Variants in GALNT18 observed in about 807,000 individuals in gnomAD.
The protein encoded by GALNT18 is GalNAc-transferase 18.
In GALNT18, 44 loss-of-function variants were observed where a neutral mutation model predicts 69.5. That is an observed-to-expected ratio of 0.63 (90% confidence interval 0.50 to 0.81). The LOEUF (loss-of-function observed/expected upper bound fraction) is 0.81. Ranked by LOEUF, GALNT18 falls within the 40% of genes least tolerant of loss-of-function variation. The probability of loss-of-function intolerance (pLI) is 0.00; values close to 1 mark genes in which losing one functional copy is unlikely to be tolerated. For synonymous variants in GALNT18, 364 were observed against 318.2 expected, an observed-to-expected ratio of 1.14 and a Z score of -1.53; for missense variants, 715 against 810.0, an observed-to-expected ratio of 0.88 and a Z score of 1.42.
intron 9 of GALNT18, among the ~76,000 whole-genome samples, chr11:11,294,480 A>C (rs1849360286): frequency 6.6e-6 from 1 of 152,104 alleles, no homozygotes; most frequent in African/African-American, 2.4e-5. Context: ...CCAGGCTCTT[A>C]GATGCCAACC....
At position 11,291,020 on chromosome 11, in the gene GALNT18, T is replaced by C. The variant is rs149600413; in HGVS notation, c.1677+2009A>G. ...AGCCATCCTTCACTGGGCATATACCTAACTGTCCTTCCACACCACACACCC... is the reference window on the plus strand; with the variant it reads ...AGCCATCCTTCACTGGGCATATACCCAACTGTCCTTCCACACCACACACCC... On this transcript the variant is annotated intron_variant, in intron 10 of 10. Transcript: ENST00000227756. 4.6e-5 allele frequency among the ~76,000 whole-genome samples: 7 copies of C among 152,292 alleles called. No individual in the cohort carries two copies. The East Asian group carries it at 1.4e-3, about 29-fold the overall frequency.
At chr11:11,292,938 CCCCTCT>C in intron 10 of GALNT18, 85 bp downstream of exon 10, 1 of 1,195,932 alleles carries the variant, frequency 8.4e-7, no homozygotes. Context: ...CCTTCCCCTT[CCCCTCT>C]CCTCCACCAC....
At chr11:11,479,240 G>A (rs1036906374) in intron 1 of GALNT18, among the ~76,000 whole-genome samples, 2 of 142,242 alleles carry the variant, frequency 1.4e-5, no homozygotes, top group Admixed American at 1.3e-4. Flanking sequence ...GAAAAATAAA[G>A]TTTACATCAT....
intron 6 of GALNT18, among the ~76,000 whole-genome samples, chr11:11,363,676 T>C (rs1206090145): frequency 6.6e-6 from 1 of 152,160 alleles, no homozygotes; most frequent in African/African-American, 2.4e-5. Flanking sequence ...TCTATAATAA[T>C]AATAACAATA....
intron 6 of GALNT18, among the ~76,000 whole-genome samples, chr11:11,359,821 C>A (rs1289595799): frequency 1.4e-4 from 22 of 152,164 alleles, no homozygotes; most frequent in Admixed American, 1.3e-3. Context: ...GTGATTAAGG[C>A]ATTCATTTTA....
At chr11:11,484,648 G>A (rs1465524635) in intron 1 of GALNT18, among the ~76,000 whole-genome samples, 1 of 151,366 alleles carries the variant, frequency 6.6e-6, no homozygotes, top group Non-Finnish European at 1.5e-5. Context: ...AAGCCCCCAG[G>A]GGTCTCTCTG....
rs1850160275 is a variant in GALNT18, at chr11:11,339,162, C to T, written c.1278+1657G>A. On this transcript the variant is annotated intron_variant, in intron 7 of 10. Transcript: ENST00000227756. This position sits in a 1 kb window ranked among gnomAD's most constrained non-coding sequence, Gnocchi z 5.2. ...GAGGAAAGAGAATTATTTTCGGAAACACACTGATCCTTTCCTTCTCCACCT... is the reference window on the plus strand; with the variant it reads ...GAGGAAAGAGAATTATTTTCGGAAATACACTGATCCTTTCCTTCTCCACCT... 6.6e-6 allele frequency among the ~76,000 whole-genome samples: 1 copy of T among 152,108 alleles called. No homozygotes were observed. Among genetic ancestry groups the T allele is most frequent in the African/African-American group, 2.4e-5 (1 of 41,404 alleles).
At chr11:11,452,193 T>A (rs1349015881) in intron 1 of GALNT18, among the ~76,000 whole-genome samples, 2 of 152,246 alleles carry the variant, frequency 1.3e-5, no homozygotes, top group South Asian at 2.1e-4. Context: ...TTTAATTTTC[T>A]TTACTTCCAA....
chr11:11,460,968 T>C (rs1856029278), intron 1 of GALNT18, among the ~76,000 whole-genome samples: 1 of 152,194 alleles, frequency 6.6e-6, no homozygotes, highest in Admixed American at 6.5e-5. Flanking sequence ...AATTTGGCCC[T>C]GCACTCTGGG....
At chr11:11,316,053 A>G (rs1479404069) in intron 9 of GALNT18, among the ~76,000 whole-genome samples, 1 of 152,198 alleles carries the variant, frequency 6.6e-6, no homozygotes, top group African/African-American at 2.4e-5. Context: ...CCCTAACTGG[A>G]TTAGTCCCTA....
intron 3 of GALNT18, among the ~76,000 whole-genome samples, chr11:11,407,809 G>A (rs899752197): frequency 1.3e-5 from 2 of 152,202 alleles, no homozygotes; most frequent in Non-Finnish European, 1.5e-5. Context: ...CTGGGATTAC[G>A]AGCAGCAGGA....
intron 9 of GALNT18, among the ~76,000 whole-genome samples, chr11:11,311,463 T>G (rs1177416880): frequency 6.6e-6 from 1 of 152,154 alleles, no homozygotes; most frequent in Non-Finnish European, 1.5e-5. Flanking sequence ...TATAGAAAGC[T>G]GCAAGGGGAA....
intron 1 of GALNT18, among the ~76,000 whole-genome samples, chr11:11,464,451 A>G (rs1725314072): frequency 6.6e-6 from 1 of 152,110 alleles, no homozygotes; most frequent in Non-Finnish European, 1.5e-5. Context: ...TCTTGGTCCC[A>G]TGAACATCTC....
At chr11:11,487,346 G>C (rs748733891) in intron 1 of GALNT18, among the ~76,000 whole-genome samples, 1 of 151,910 alleles carries the variant, frequency 6.6e-6, no homozygotes, top group Non-Finnish European at 1.5e-5. Context: ...CCAAAACCTC[G>C]CAAATCACTA....
At chr11:11,280,897 C>T (rs764322889) in intron 10 of GALNT18, among the ~76,000 whole-genome samples, 1 of 152,188 alleles carries the variant, frequency 6.6e-6, no homozygotes, top group Admixed American at 6.5e-5. Flanking sequence ...CTCTTAGGCC[C>T]AGAGGCATCC....
chr11:11,599,280 T>TA, intron 1 of GALNT18, among the ~76,000 whole-genome samples: 1 of 152,226 alleles, frequency 6.6e-6, no homozygotes, highest in South Asian at 2.1e-4. Context: ...GGTCTGTGGT[T>TA]AAGGTGCATA....
intron 1 of GALNT18, among the ~76,000 whole-genome samples, chr11:11,575,539 C>G (rs1482793000): frequency 6.6e-6 from 1 of 152,234 alleles, no homozygotes; most frequent in Non-Finnish European, 1.5e-5. Flanking sequence ...TTTGAAACCT[C>G]AGTCTCTTCA....
chr11:11,408,362 C>A, intron 3 of GALNT18, among the ~76,000 whole-genome samples: 3 of 73,078 alleles, frequency 4.1e-5, no homozygotes, highest in Non-Finnish European at 6.8e-5. Flanking sequence ...AAGACTTCAT[C>A]TCAAAAAAAA....
chr11:11,370,440 G>C (rs1456306630), intron 6 of GALNT18, among the ~76,000 whole-genome samples: 1 of 152,156 alleles, frequency 6.6e-6, no homozygotes, highest in African/African-American at 2.4e-5. Context: ...AACCCTTAAA[G>C]GGGGAACTGA....
Sources: allele counts gnomAD v4.1 joint callset (sites outside exome capture counted in the v4.1 genomes callset), GRCh38; gene constraint gnomAD v4.1.1; non-coding constraint Gnocchi (gnomAD v3.1); transcripts MANE v1.5; gene names NCBI Gene and HGNC (gene_info 2026-07-23, HGNC 2026-07-21).